Variants in TRIM59 observed in about 807,000 individuals in gnomAD.
The protein encoded by TRIM59 is tripartite motif containing 59.
In TRIM59, 14 loss-of-function variants were observed where a neutral mutation model predicts 32.2. That is an observed-to-expected ratio of 0.43 (90% CI 0.29 to 0.68). The LOEUF is 0.68. Among genes scored for constraint, TRIM59 ranks in the 30% least tolerant of loss-of-function variants. The pLI, the probability that TRIM59 is intolerant of heterozygous loss-of-function variation, is 0.15. For synonymous variants in TRIM59, 163 were observed against 155.1 expected, an observed-to-expected ratio of 1.05 and a Z score of -0.38; for missense variants, 471 against 463.3, an observed-to-expected ratio of 1.02 and a Z score of -0.15.
In TRIM59 at chr3:160,437,366, T is replaced by C; in HGVS notation, c.*606A>G. On this transcript the variant is annotated 3_prime_UTR_variant, in exon 3 of 3. Transcript: ENST00000309784. ...GAGACCCAGTCTCAAAAATTTCTTT[T>C]AAAAAGCCACTTTACTCTAACAGTT... 1 of 984,262 alleles carries C rather than the reference T, an allele frequency of 1.0e-6. No homozygotes were observed. The highest frequency in any genetic ancestry group is 1.2e-6 in the Non-Finnish European group (1 of 829,918). The allele number at this position is 984,262 out of a possible 1,614,324, so 61.0% of individuals were successfully genotyped here. A position where few individuals can be genotyped will look rare whatever the true frequency, so the allele number is the denominator to read the frequency against.
Position 160,436,884 on chromosome 3 carries a change from A to G in TRIM59, c.*1088T>C. ...GGGAATGTGGTAGAAAATTTAAATG[A>G]GTTAAGATGAATAAAGTCCACATGA... On this transcript the variant is annotated 3_prime_UTR_variant, in exon 3 of 3. Transcript: ENST00000309784. The G allele has an allele frequency of 2.0e-6, 2 of 983,336 alleles. No homozygotes were observed. Among genetic ancestry groups the G allele is most frequent in the Middle Eastern group, 5.2e-4 (1 of 1,910 alleles). 60.9% of individuals were successfully genotyped at this position (983,336 alleles called of 1,614,324 possible).
At chr3:160,440,031 G>A (rs940345210) in intron 2 of TRIM59, among the ~76,000 whole-genome samples, 14 of 152,146 alleles carry the variant, frequency 9.2e-5, no homozygotes, top group African/African-American at 3.4e-4. Context: ...TGTCCCAGTT[G>A]GCTCAATAAT....
In TRIM59 at chr3:160,437,836, G is replaced by C; in HGVS notation, c.*136C>G. On this transcript the variant is annotated 3_prime_UTR_variant, in exon 3 of 3. Coordinates refer to ENST00000309784, the MANE Select transcript of TRIM59 (RefSeq NM_173084.3). ...TTTGACATATCATTGCTAACCAAAA[G>C]AAGCAACAAATATAAACATTTGTTT... 1 of 1,286,098 alleles carries C rather than the reference G, an allele frequency of 7.8e-7. No homozygotes were observed. Among genetic ancestry groups the C allele is most frequent in the Non-Finnish European group, 9.8e-7 (1 of 1,017,972 alleles). The allele number at this position is 1,286,098 out of a possible 1,614,324, so 79.7% of individuals were successfully genotyped here.
In TRIM59 at chr3:160,437,183, T is replaced by C. The variant is rs73154602; in HGVS notation, c.*789A>G. On this transcript the variant is annotated 3_prime_UTR_variant, in exon 3 of 3. Transcript: ENST00000309784. ...CCTGGGCAATATGGCAAAACCTCGT[T>C]TCTACAAAAAACAATTTTTTTAATT... 117,026 of 674,178 alleles carry C rather than the reference T, an allele frequency of 0.17. 11,285 individuals carry two copies. Among genetic ancestry groups the C allele is most frequent in the Non-Finnish European group, 0.19 (103,954 of 545,912 alleles). The allele number at this position is 674,178 out of a possible 1,614,324, so 41.8% of individuals were successfully genotyped here.
Position 160,437,853 on chromosome 3 carries a change from C to A in TRIM59, c.*119G>T. 1 of 1,315,716 alleles carries A rather than the reference C, an allele frequency of 7.6e-7. No individual in the cohort carries two copies. The highest frequency in any genetic ancestry group is 2.8e-5 in the South Asian group (1 of 36,236). 81.5% of individuals were successfully genotyped at this position (1,315,716 alleles called of 1,614,324 possible). A position where few individuals can be genotyped will look rare whatever the true frequency, so the allele number is the denominator to read the frequency against. On this transcript the variant is annotated 3_prime_UTR_variant, in exon 3 of 3. Coordinates refer to ENST00000309784, the MANE Select transcript of TRIM59 (RefSeq NM_173084.3). ...AACCAAAAGAAGCAACAAATATAAA[C>A]ATTTGTTTATATTAGTTGCAGCACT...
rs1304798309 is a variant in TRIM59, at chr3:160,437,677, TG to T, written c.*294del. 9.6e-7 allele frequency: 1 copy of T among 1,045,234 alleles called. No individual in the cohort carries two copies. Among genetic ancestry groups the T allele is most frequent in the African/African-American group, 1.7e-5 (1 of 59,694 alleles). The allele number at this position is 1,045,234 out of a possible 1,614,324, so 64.7% of individuals were successfully genotyped here. On this transcript the variant is annotated 3_prime_UTR_variant, in exon 3 of 3. Transcript: ENST00000309784. ...ATATAATAATGGTAAAAGACAATAT[TG>T]GTACAAGAATGTTTAAATGTCACAG...
Position 160,438,184 on chromosome 3 carries a change from C to A in TRIM59, c.1000G>T (p.Val334Leu). Residue 334 changes from valine (V) to leucine (L), a missense_variant, in exon 3 of 3, where the codon GTA becomes TTA. By Grantham distance (32) the Val-to-Leu change is conservative. Coordinates refer to ENST00000309784, the MANE Select transcript of TRIM59 (RefSeq NM_173084.3). ...VEFLKILNIV[V>L]VTLISVILMS... ...AGTATTACTGAAATTAATGTAACTACAACAATGTTTAAAATTTTTAAAAAT... is the reference window on the plus strand; with the variant it reads ...AGTATTACTGAAATTAATGTAACTAAAACAATGTTTAAAATTTTTAAAAAT... 6.2e-7 allele frequency: 1 copy of A among 1,613,038 alleles called. No individual in the cohort carries two copies. Among genetic ancestry groups the A allele is most frequent in the Middle Eastern group, 1.7e-4 (1 of 6,056 alleles).
At chr3:160,449,468 T>G in intron 1 of TRIM59, 1 of 1,180,088 alleles carries the variant, frequency 8.5e-7, no homozygotes, top group Non-Finnish European at 1.1e-6. Context: ...TCCGCTCAGC[T>G]CACCCTCGCC....
Position 160,449,718 on chromosome 3 carries a change from G to C in TRIM59, c.-75C>G, listed in dbSNP as rs957883667. 5 of 1,289,984 alleles carry C rather than the reference G, an allele frequency of 3.9e-6. No homozygotes were observed. The African/African-American group carries it at 6.1e-5, about 16-fold the overall frequency. 79.9% of individuals were successfully genotyped at this position (1,289,984 alleles called of 1,614,324 possible). A position where few individuals can be genotyped will look rare whatever the true frequency, so the allele number is the denominator to read the frequency against. Reference sequence around the variant, plus strand: ...ATCCGTAAAGGTCCTTAGACTCACCGCGGGGAGGAAGCGGACCAGGCAACT... The same window carrying C: ...ATCCGTAAAGGTCCTTAGACTCACCCCGGGGAGGAAGCGGACCAGGCAACT... On this transcript the variant is annotated splice_region_variant and 5_prime_UTR_variant, in exon 1 of 3. Transcript: ENST00000309784.
chr3:160,443,796 C>T lies in TRIM59; in HGVS notation c.-3-4610G>A, dbSNP rs564574694. Among the ~76,000 whole-genome samples, 10 of 152,216 alleles carry T rather than the reference C, an allele frequency of 6.6e-5. No individual in the cohort carries two copies. In the South Asian group the frequency reaches 1.7e-3, roughly 25 times the overall value. On this transcript the variant is annotated intron_variant, in intron 2 of 2. Coordinates refer to ENST00000309784, the MANE Select transcript of TRIM59 (RefSeq NM_173084.3). Reference sequence around the variant, plus strand: ...CTAGGACTACAGGCGCCCGCCACCACGCCCAGCTAATTTTTTTGTATTTTT... The same window carrying T: ...CTAGGACTACAGGCGCCCGCCACCATGCCCAGCTAATTTTTTTGTATTTTT...
rs77413522 is a variant in TRIM59, at chr3:160,438,123, G to A, written c.1061C>T (p.Thr354Ile). ...TATTAAAGTGATTTCACTTAAAAAG[G>A]TTATGATGTGTTGGTTGAAAAAGAG... ...SILFFNQHII[T>I]FLSEITLIWF... Residue 354 changes from threonine to isoleucine, a missense_variant, in exon 3 of 3, where the codon ACC becomes ATC. Coordinates refer to ENST00000309784, the MANE Select transcript of TRIM59 (RefSeq NM_173084.3). 2 of 1,612,514 alleles carry A rather than the reference G, an allele frequency of 1.2e-6. No homozygotes were observed. The highest frequency in any genetic ancestry group is 2.7e-5 in the African/African-American group (2 of 74,940).
chr3:160,435,752 ATT>A lies in TRIM59; in HGVS notation c.*2218_*2219del, dbSNP rs1457655292. On this transcript the variant is annotated 3_prime_UTR_variant, in exon 3 of 3. Coordinates refer to ENST00000309784, the MANE Select transcript of TRIM59 (RefSeq NM_173084.3). ...TGATATATATACTTACGTTTTTAGCATTCTTACAGATTACAAACCCTTACCAA... is the reference window on the plus strand; with the variant it reads ...TGATATATATACTTACGTTTTTAGCACTTACAGATTACAAACCCTTACCAA... The A allele has an allele frequency of 2.0e-5, 7 of 354,750 alleles. No individual in the cohort carries two copies. In the East Asian group the frequency reaches 5.6e-4, roughly 28 times the overall value. The allele number at this position is 354,750 out of a possible 1,614,324, so 22.0% of individuals were successfully genotyped here. A position where few individuals can be genotyped will look rare whatever the true frequency, so the allele number is the denominator to read the frequency against.
At chr3:160,448,879 T>C in intron 1 of TRIM59, 84 bp from the exon 2 acceptor site, 1 of 704,204 alleles carries the variant, frequency 1.4e-6, no homozygotes, top group South Asian at 1.7e-5. Flanking sequence ...CTGTCTTTGA[T>C]ATTTATCTTC....
intron 2 of TRIM59, among the ~76,000 whole-genome samples, chr3:160,440,785 C>T (rs75008921): frequency 0.054 from 8,246 of 152,150 alleles, 300 homozygotes; most frequent in Middle Eastern, 0.082. Context: ...GTGTCAAATG[C>T]GTGTAATCCC....
At chr3:160,440,261 CTG>C (rs1404447417) in intron 2 of TRIM59, among the ~76,000 whole-genome samples, 1 of 152,098 alleles carries the variant, frequency 6.6e-6, no homozygotes, top group Non-Finnish European at 1.5e-5. Context: ...ACTATAGTAA[CTG>C]TGAATTAATT....
At position 160,437,116 on chromosome 3, in the gene TRIM59, C is replaced by T; in HGVS notation, c.*856G>A. On this transcript the variant is annotated 3_prime_UTR_variant, in exon 3 of 3. Coordinates refer to ENST00000309784, the MANE Select transcript of TRIM59 (RefSeq NM_173084.3). Reference sequence around the variant, plus strand: ...TCTGTAATCCCAGCACTTTGGGAGGCCAAGGTGGGCAGATCTCTTGAGCCC... The same window carrying T: ...TCTGTAATCCCAGCACTTTGGGAGGTCAAGGTGGGCAGATCTCTTGAGCCC... The T allele has an allele frequency of 1.1e-6, 1 of 950,576 alleles. No homozygotes were observed. The highest frequency in any genetic ancestry group is 1.8e-5 in the African/African-American group (1 of 56,612). The allele number at this position is 950,576 out of a possible 1,614,324, so 58.9% of individuals were successfully genotyped here.
At position 160,436,809 on chromosome 3, in the gene TRIM59, A is replaced by G. The variant is rs1345947487; in HGVS notation, c.*1163T>C. 2.2e-6 allele frequency: 2 copies of G among 899,926 alleles called. No homozygotes were observed. The highest frequency in any genetic ancestry group is 3.6e-5 in the African/African-American group (2 of 55,604). 55.7% of individuals were successfully genotyped at this position (899,926 alleles called of 1,614,324 possible). On this transcript the variant is annotated 3_prime_UTR_variant, in exon 3 of 3. Transcript: ENST00000309784. Reference sequence around the variant, plus strand: ...CAAGACTCCGTCTCAAAAAAAAAAAAAAAAAAAAAAAAAAAAGATTAAGTT... The same window carrying G: ...CAAGACTCCGTCTCAAAAAAAAAAAGAAAAAAAAAAAAAAAAGATTAAGTT...
chr3:160,449,689 C>T, intron 1 of TRIM59, 28 bp downstream of exon 1: 1 of 1,289,480 alleles, frequency 7.8e-7, no homozygotes, highest in Non-Finnish European at 1.0e-6. Flanking sequence ...ACCACCTTCT[C>T]CGCATCCGTA....
At chr3:160,449,692 C>T (rs1719723513) in intron 1 of TRIM59, 25 bp downstream of exon 1, 1 of 1,289,442 alleles carries the variant, frequency 7.8e-7, no homozygotes. Context: ...ACCTTCTCCG[C>T]ATCCGTAAAG....
Sources: gnomAD v4.1 joint callset for allele counts (sites outside exome capture counted in the v4.1 genomes callset) on GRCh38, gnomAD v4.1.1 for gene constraint, MANE v1.5 for transcripts, NCBI Gene and HGNC (gene_info 2026-07-23, HGNC 2026-07-21) for gene names.